The following GYPB variants were observed in gnomAD, a reference collection of about 807,000 sequenced individuals.
GYPB encodes the protein glycophorin B (MNS blood group).
A neutral mutation model predicts 15.3 loss-of-function variants in GYPB; 13 were observed. That is an observed-to-expected ratio of 0.85 (90% CI 0.55 to 1.35). GYPB has a LOEUF of 1.35. GYPB is among the 40% of genes most tolerant of loss of function. The pLI, the probability that GYPB is intolerant of heterozygous loss-of-function variation, is 0.00. For missense variants in GYPB, 131 were observed against 108.3 expected (o/e 1.21, Z -0.93); for synonymous variants, 38 against 36.9 (o/e 1.03, Z -0.11).
At chr4:143,997,176 T>C (rs1727367449) in intron 4 of GYPB, among the ~76,000 whole-genome samples, 2 of 151,286 alleles carry the variant, frequency 1.3e-5, no homozygotes, top group South Asian at 4.1e-4. Flanking sequence ...TCCAAAGTTT[T>C]AAACATATGT....
In GYPB at chr4:144,002,948, T is replaced by A. The variant is rs151109274; in HGVS notation, c.38-1665A>T. On this transcript the variant is annotated intron_variant, in intron 1 of 4. Coordinates refer to ENST00000502664, the MANE Select transcript of GYPB (RefSeq NM_002100.6). ...CATGTGTTTATAAACGATTGCCATA[T>A]GAATTCTCCAAATAGCATGCAAAAC... is the stretch of plus-strand genomic sequence containing the variant. Among the ~76,000 whole-genome samples, 475 of 151,274 alleles carry A rather than the reference T, an allele frequency of 3.1e-3. 5 individuals carry two copies. The highest frequency in any genetic ancestry group is 2.9e-3 in the Non-Finnish European group (195 of 68,030).
chr4:144,005,429 C>T (rs1358673232), intron 1 of GYPB, among the ~76,000 whole-genome samples: 1 of 152,088 alleles, frequency 6.6e-6, no homozygotes, highest in East Asian at 1.9e-4. Context: ...GCTCCCTGGA[C>T]ATCCTAAAAG....
At chr4:144,015,075 T>A (rs1365538583) in intron 1 of GYPB, among the ~76,000 whole-genome samples, 1 of 151,458 alleles carries the variant, frequency 6.6e-6, no homozygotes, top group Non-Finnish European at 1.5e-5. Flanking sequence ...GATTGTATAG[T>A]CATAGTCTAT....
chr4:144,011,357 G>A (rs1480041768), intron 1 of GYPB, among the ~76,000 whole-genome samples: 2 of 151,388 alleles, frequency 1.3e-5, no homozygotes, highest in Non-Finnish European at 2.9e-5. Flanking sequence ...TCCAGCCTGG[G>A]CGACAGAACG....
chr4:144,013,267 C>G (rs1266244127), intron 1 of GYPB, among the ~76,000 whole-genome samples: 1 of 150,820 alleles, frequency 6.6e-6, no homozygotes, highest in African/African-American at 2.5e-5. Flanking sequence ...AGTCAGGAAA[C>G]AACAGGTGCT....
chr4:143,997,747 G>A (rs1849110), intron 3 of GYPB, 113 bp from the exon 4 acceptor site: 685,985 of 690,266 alleles, frequency 0.99, 341,188 homozygotes, highest in East Asian at 1. Context: ...ACAAAGTACA[G>A]TTAACATACT....
At chr4:143,997,425 A>G (rs1727379735) in intron 4 of GYPB, 115 bp downstream of exon 4, 1 of 664,464 alleles carries the variant, frequency 1.5e-6, no homozygotes, top group South Asian at 1.7e-5. Flanking sequence ...GTTGAAAAAG[A>G]TGGAATTTTA....
chr4:144,008,079 C>T (rs1728017897), intron 1 of GYPB, among the ~76,000 whole-genome samples: 1 of 151,544 alleles, frequency 6.6e-6, no homozygotes, highest in Non-Finnish European at 1.5e-5. Flanking sequence ...AAACAACTAG[C>T]TGAGACCCTA....
At chr4:143,997,740 A>G (rs4835126) in intron 3 of GYPB, 106 bp from the exon 4 acceptor site, 484,880 of 703,658 alleles carry the variant, frequency 0.69, 169,994 homozygotes, top group East Asian at 0.95. Context: ...TTTTAATACA[A>G]AGTACAGTTA....
At chr4:144,001,961 T>C (rs1727648384) in intron 1 of GYPB, among the ~76,000 whole-genome samples, 1 of 83,614 alleles carries the variant, frequency 1.2e-5, no homozygotes, top group East Asian at 3.6e-4. Context: ...AGAACGAGAT[T>C]CCGTTTCAAA....
rs1279393874 is a variant in GYPB, at chr4:144,012,634, G to A, written c.37+6617C>T. ...TGCCCCAAGAACAGACATATTCTTC[G>A]GATAGAATTGAGACTCCAGAAATAA... On this transcript the variant is annotated intron_variant, in intron 1 of 4. Transcript: ENST00000502664. 9.2e-5 allele frequency: 14 copies of A among 151,566 alleles called. No homozygotes were observed. The South Asian group carries it at 1.2e-3, about 13-fold the overall frequency. 9.4% of individuals were successfully genotyped at this position (151,566 alleles called of 1,614,324 possible). A position where few individuals can be genotyped will look rare whatever the true frequency, so the allele number is the denominator to read the frequency against.
intron 1 of GYPB, among the ~76,000 whole-genome samples, chr4:144,004,956 A>G (rs1727822693): frequency 6.6e-6 from 1 of 151,882 alleles, no homozygotes; most frequent in African/African-American, 2.4e-5. Flanking sequence ...CCATTGAACA[A>G]CAAACTTTAG....
intron 1 of GYPB, among the ~76,000 whole-genome samples, chr4:144,011,562 G>A (rs896175667): frequency 1.3e-5 from 2 of 151,090 alleles, no homozygotes; most frequent in South Asian, 2.1e-4. Context: ...ATATAGCAAC[G>A]AGAAACATAA....
intron 3 of GYPB, 140 bp from the exon 4 acceptor site, chr4:143,997,774 C>CT: frequency 4.9e-6 from 3 of 615,088 alleles, no homozygotes; most frequent in African/African-American, 1.9e-5. Flanking sequence ...TGTATTTTGT[C>CT]TTTTTTTAAA....
chr4:144,008,293 G>T (rs1225965849), intron 1 of GYPB: 25 of 436,236 alleles, frequency 5.7e-5, no homozygotes, highest in Non-Finnish European at 4.6e-6. Flanking sequence ...GTCATTGAGA[G>T]ATTAAATTCT....
intron 1 of GYPB, among the ~76,000 whole-genome samples, chr4:144,008,705 C>T (rs1314670734): frequency 1.3e-5 from 2 of 151,448 alleles, no homozygotes; most frequent in Admixed American, 6.6e-5. Flanking sequence ...AAAATAATTT[C>T]AATTGAAAAG....
rs34022769 is a variant in GYPB, at chr4:144,018,886, C to T, written c.37+365G>A. Among the ~76,000 whole-genome samples, 135 of 151,418 alleles carry T rather than the reference C, an allele frequency of 8.9e-4. 1 individual carries two copies. The highest frequency in any genetic ancestry group is 3.1e-3 in the African/African-American group (125 of 40,770). ...ACTAAAAGCCATATAGCTACCAACA[C>T]CTTTGTTAATAACTCTTTAGTTTGG... On this transcript the variant is annotated intron_variant, in intron 1 of 4. Transcript: ENST00000502664.
chr4:144,019,104 C>G, intron 1 of GYPB, 147 bp downstream of exon 1: 1 of 1,280,188 alleles, frequency 7.8e-7, no homozygotes, highest in Non-Finnish European at 1.1e-6. Context: ...TAGCTGAGTT[C>G]CAGTAAAATC....
intron 1 of GYPB, among the ~76,000 whole-genome samples, chr4:144,015,757 T>G (rs1728454166): frequency 6.6e-6 from 1 of 151,314 alleles, no homozygotes; most frequent in Admixed American, 6.6e-5. Flanking sequence ...GCTAAATATA[T>G]TTACAGGTTT....
Sources: gnomAD v4.1 joint callset for allele counts (sites outside exome capture counted in the v4.1 genomes callset) on GRCh38, gnomAD v4.1.1 for gene constraint, MANE v1.5 for transcripts, NCBI Gene and HGNC (gene_info 2026-07-23, HGNC 2026-07-21) for gene names.